Variants in SLIT3 observed in about 807,000 individuals in gnomAD.
SLIT3 encodes slit guidance ligand 3, also known as slit homolog 3 protein.
A neutral mutation model predicts 184.0 loss-of-function variants in SLIT3; 68 were observed. The observed-to-expected ratio is 0.37, with a 90% confidence interval of 0.30 to 0.45. The LOEUF (loss-of-function observed/expected upper bound fraction) is 0.45. Among genes scored for constraint, SLIT3 ranks in the 20% least tolerant of loss-of-function variants. The probability of loss-of-function intolerance (pLI) is 1.00; values close to 1 mark genes in which losing one functional copy is unlikely to be tolerated. For synonymous variants in SLIT3, 831 were observed against 828.6 expected (o/e 1.00, Z -0.05); for missense variants, 1,707 against 2,026.0 (o/e 0.84, Z 3.02).
At chr5:169,075,154 T>C (rs947008714) in intron 4 of SLIT3, among the ~76,000 whole-genome samples, 2 of 152,136 alleles carry the variant, frequency 1.3e-5, no homozygotes, top group East Asian at 1.9e-4. Context: ...GAGTGATTGA[T>C]TGTCTTCTCC....
chr5:169,138,688 C>T (rs1208666372), intron 4 of SLIT3, among the ~76,000 whole-genome samples: 1 of 152,200 alleles, frequency 6.6e-6, no homozygotes, highest in African/African-American at 2.4e-5. Context: ...TGTCCGATGG[C>T]ACTGCGAGCC....
intron 24 of SLIT3, 27 bp from the exon 25 acceptor site, chr5:168,711,085 C>A: frequency 6.5e-7 from 1 of 1,530,360 alleles, no homozygotes. Flanking sequence ...GAAGTCAGGG[C>A]CCCCTGCCCA....
chr5:168,971,438 G>A (rs550650507), intron 4 of SLIT3, among the ~76,000 whole-genome samples: 4 of 152,238 alleles, frequency 2.6e-5, no homozygotes, highest in African/African-American at 7.2e-5. Context: ...CCTTCATTTC[G>A]CTGTCTTTCT....
chr5:168,936,963 T>C (rs1465121401), intron 4 of SLIT3, among the ~76,000 whole-genome samples: 3 of 152,180 alleles, frequency 2.0e-5, no homozygotes, highest in Non-Finnish European at 4.4e-5. Flanking sequence ...GCTTGTTAAC[T>C]ATAGCTGGGC....
chr5:169,247,313 C>T (rs555349311), intron 2 of SLIT3, among the ~76,000 whole-genome samples: 26 of 152,230 alleles, frequency 1.7e-4, no homozygotes, highest in East Asian at 1.9e-4. Context: ...CACACTAGCA[C>T]GTCACGCTAA....
chr5:168,983,972 C>G (rs1755037862), intron 4 of SLIT3, among the ~76,000 whole-genome samples: 1 of 151,998 alleles, frequency 6.6e-6, no homozygotes, highest in Admixed American at 6.6e-5. Flanking sequence ...ACTGCTTGAG[C>G]CCAGGAGGTT....
At position 169,085,671 on chromosome 5, in the gene SLIT3, C is replaced by T. The variant is rs1024593986; in HGVS notation, c.413+107808G>A. Among the ~76,000 whole-genome samples, 3 of 152,208 alleles carry T rather than the reference C, an allele frequency of 2.0e-5. No homozygotes were observed. In the East Asian group the frequency reaches 5.8e-4, roughly 29 times the overall value. On this transcript the variant is annotated intron_variant, in intron 4 of 35. Coordinates refer to ENST00000519560, the MANE Select transcript of SLIT3 (RefSeq NM_003062.4). ...GTGTCAATACCCAAACCCAACACAG[C>T]CTGCCCCAGCTCAGCAAGACAAATC...
intron 4 of SLIT3, among the ~76,000 whole-genome samples, chr5:169,050,322 A>G (rs112199204): frequency 3.4e-4 from 52 of 152,284 alleles, no homozygotes; most frequent in African/African-American, 1.2e-3. Context: ...TTTGCCCATT[A>G]TCAGTTATCC....
chr5:169,138,215 C>T (rs1355794068), intron 4 of SLIT3, among the ~76,000 whole-genome samples: 1 of 152,180 alleles, frequency 6.6e-6, no homozygotes, highest in African/African-American at 2.4e-5. Flanking sequence ...ATAGCCCTTG[C>T]AATATGGGAG....
intron 9 of SLIT3, among the ~76,000 whole-genome samples, chr5:168,797,859 ATC>A (rs1309301486): frequency 6.6e-6 from 1 of 152,152 alleles, no homozygotes; most frequent in Non-Finnish European, 1.5e-5. Context: ...CAGAACTGAT[ATC>A]TCTGTTTCTA....
intron 4 of SLIT3, among the ~76,000 whole-genome samples, chr5:169,181,611 C>T (rs928499556): frequency 6.6e-6 from 1 of 151,762 alleles, no homozygotes; most frequent in African/African-American, 2.4e-5. Context: ...TGTGGTGGCG[C>T]GTACCTGTAG....
At chr5:169,206,223 G>T (rs1426266022) in intron 3 of SLIT3, among the ~76,000 whole-genome samples, 1 of 152,180 alleles carries the variant, frequency 6.6e-6, no homozygotes, top group African/African-American at 2.4e-5. Context: ...TGGGCAGCCT[G>T]TGGTTAATAT....
At chr5:169,185,243 G>C (rs1419866177) in intron 4 of SLIT3, among the ~76,000 whole-genome samples, 1 of 152,200 alleles carries the variant, frequency 6.6e-6, no homozygotes, top group African/African-American at 2.4e-5. Flanking sequence ...TTCAGCGTTT[G>C]GGGGAACAAG....
At position 168,789,630 on chromosome 5, in the gene SLIT3, C is replaced by A. The variant is rs1263708855; in HGVS notation, c.1009G>T (p.Asp337Tyr). ...TCCGATATCTGATTCTTGCTGATGT[C>A]TCTGAAAACGTTAACGGTAAAGTCT... is the stretch of plus-strand genomic sequence containing the variant. ...FTQYKKLKRI[D>Y]ISKNQISDIA... Residue 337 changes from aspartate (D) to tyrosine (Y), a missense_variant and splice_region_variant, in exon 11 of 36, where the codon GAC becomes TAC. By Grantham distance (160) the Asp-to-Tyr change is radical (BLOSUM62 -3). This residue lies in a region of SLIT3 where 1,307 missense variants were observed against 1,511.6 expected (regional missense o/e 0.86). Coordinates refer to ENST00000519560, the MANE Select transcript of SLIT3 (RefSeq NM_003062.4). 1 of 1,613,076 alleles carries A rather than the reference C, an allele frequency of 6.2e-7. No individual in the cohort carries two copies. Among genetic ancestry groups the A allele is most frequent in the East Asian group, 2.2e-5 (1 of 44,856 alleles).
chr5:169,026,790 C>A (rs11953982), intron 4 of SLIT3, among the ~76,000 whole-genome samples: 21,464 of 151,324 alleles, frequency 0.14, 2,757 homozygotes, highest in African/African-American at 0.34. Flanking sequence ...TGAATACTAT[C>A]ATCAGAAAAA....
At chr5:168,880,140 G>A (rs1010842644) in intron 5 of SLIT3, among the ~76,000 whole-genome samples, 8 of 152,164 alleles carry the variant, frequency 5.3e-5, no homozygotes, top group Admixed American at 2.6e-4. Context: ...AAGAGACAGC[G>A]TGAGAGAGAG....
rs1206908266 is a variant in SLIT3, at chr5:168,705,101, A to C, written c.2844+2875T>G. Among the ~76,000 whole-genome samples the C allele has an allele frequency of 2.6e-5, 4 of 152,010 alleles. No individual in the cohort carries two copies. The East Asian group carries it at 7.7e-4, about 29-fold the overall frequency. On this transcript the variant is annotated intron_variant, in intron 26 of 35. Transcript: ENST00000519560. ...TGCTTGGTGTTCTTCCCATGGCTAC[A>C]CTCTACTTGTCTCTAACCTGGAAAT...
intron 4 of SLIT3, among the ~76,000 whole-genome samples, chr5:168,986,659 A>G (rs116221320): frequency 4.6e-5 from 7 of 152,214 alleles, no homozygotes; most frequent in Admixed American, 2.0e-4. Context: ...TCTCCACCAC[A>G]AGCAGTTTTA....
At chr5:169,228,805 C>T (rs1764895546) in intron 3 of SLIT3, among the ~76,000 whole-genome samples, 1 of 152,048 alleles carries the variant, frequency 6.6e-6, no homozygotes, top group Non-Finnish European at 1.5e-5. Context: ...TTATTTAAAG[C>T]CTTGTCTTTC....
Sources: allele counts gnomAD v4.1 joint callset (sites outside exome capture counted in the v4.1 genomes callset), GRCh38; gene constraint gnomAD v4.1.1; regional missense constraint gnomAD v4.1.1; transcripts MANE v1.5; gene names NCBI Gene and HGNC (gene_info 2026-07-23, HGNC 2026-07-21).